CNTN5: variants seen among roughly 807,000 people sequenced by gnomAD.
CNTN5 encodes the protein contactin-5.
CNTN5 carries 77 observed loss-of-function variants against 129.1 expected under a neutral mutation model. The ratio of observed to expected loss-of-function variants is 0.60; its 90% CI spans 0.50 to 0.72. CNTN5 has a LOEUF of 0.72. Ranked by LOEUF, CNTN5 falls within the 30% of genes least tolerant of loss-of-function variation. The probability of loss-of-function intolerance (pLI) is 0.00; values close to 1 mark genes in which losing one functional copy is unlikely to be tolerated. For synonymous variants in CNTN5, 509 were observed against 465.6 expected (o/e 1.09, Z -1.20); for missense variants, 1,478 against 1,328.8 (o/e 1.11, Z -1.75).
chr11:99,810,171 G>A (rs1946388303), intron 3 of CNTN5, among the ~76,000 whole-genome samples: 1 of 152,028 alleles, frequency 6.6e-6, no homozygotes, highest in African/African-American at 2.4e-5. Context: ...ATAATACCCA[G>A]TTTAATTTGT....
At chr11:99,043,981 G>C (rs1864106234) in intron 1 of CNTN5, among the ~76,000 whole-genome samples, 1 of 152,140 alleles carries the variant, frequency 6.6e-6, no homozygotes, top group South Asian at 2.1e-4. Flanking sequence ...TGGTTATTCA[G>C]TCAACAAAAT....
intron 13 of CNTN5, among the ~76,000 whole-genome samples, chr11:100,096,565 A>G (rs1234900616): frequency 6.6e-6 from 1 of 152,074 alleles, no homozygotes; most frequent in Non-Finnish European, 1.5e-5. Flanking sequence ...GTTTGAAATG[A>G]TAAACCCCTT....
At chr11:99,756,131 G>C (rs1277225644) in intron 3 of CNTN5, among the ~76,000 whole-genome samples, 1 of 151,986 alleles carries the variant, frequency 6.6e-6, no homozygotes. Context: ...TGAGAAACAA[G>C]AATACTATGA....
chr11:99,565,169 G>C (rs1948962312), intron 3 of CNTN5, among the ~76,000 whole-genome samples: 1 of 152,056 alleles, frequency 6.6e-6, no homozygotes, highest in African/African-American at 2.4e-5. Context: ...TGTCTTAAAG[G>C]AAGTTGGAAG....
At chr11:99,074,232 T>C (rs1426449414) in intron 1 of CNTN5, among the ~76,000 whole-genome samples, 5 of 152,172 alleles carry the variant, frequency 3.3e-5, no homozygotes, top group African/African-American at 1.2e-4. Context: ...GTTGTTTTTT[T>C]TTCTTTTAAA....
At chr11:100,256,107 A>G (rs1950064487) in intron 17 of CNTN5, among the ~76,000 whole-genome samples, 189 bp downstream of exon 17, 1 of 152,150 alleles carries the variant, frequency 6.6e-6, no homozygotes, top group Non-Finnish European at 1.5e-5. Flanking sequence ...TCCTCTTTTC[A>G]GTTCCCAAAG....
intron 1 of CNTN5, among the ~76,000 whole-genome samples, chr11:99,151,082 A>C (rs1277952306): frequency 6.6e-6 from 1 of 152,146 alleles, no homozygotes; most frequent in Non-Finnish European, 1.5e-5. Context: ...ATTTATACTT[A>C]TTTAGAAGCA....
chr11:99,824,486 A>G (rs563626747), intron 4 of CNTN5, among the ~76,000 whole-genome samples: 173 of 152,136 alleles, frequency 1.1e-3, no homozygotes, highest in African/African-American at 3.9e-3. Flanking sequence ...GAAATTTACA[A>G]ATCAGTTGGT....
At chr11:99,861,438 T>C (rs530355902) in intron 6 of CNTN5, among the ~76,000 whole-genome samples, 1 of 152,314 alleles carries the variant, frequency 6.6e-6, no homozygotes, top group African/African-American at 2.4e-5. Context: ...ACACTGATTA[T>C]GCCGATACAA....
chr11:99,370,650 G>A (rs1490233312), intron 2 of CNTN5, among the ~76,000 whole-genome samples: 4 of 152,088 alleles, frequency 2.6e-5, no homozygotes, highest in Non-Finnish European at 5.9e-5. Flanking sequence ...TCAGAGAGTT[G>A]GCATAAAATT....
At chr11:99,831,399 C>T (rs554838287) in intron 4 of CNTN5, among the ~76,000 whole-genome samples, 61 of 152,254 alleles carry the variant, frequency 4.0e-4, no homozygotes, top group African/African-American at 1.3e-3. Context: ...TAGCTCAATT[C>T]GTTCAACTTT....
At chr11:100,070,820 C>G (rs541372356) in intron 11 of CNTN5, among the ~76,000 whole-genome samples, 1 of 152,192 alleles carries the variant, frequency 6.6e-6, no homozygotes, top group Non-Finnish European at 1.5e-5. Context: ...TTAATTACCT[C>G]ATTACATTTT....
At chr11:99,766,743 T>A (rs1049621852) in intron 3 of CNTN5, among the ~76,000 whole-genome samples, 1 of 152,124 alleles carries the variant, frequency 6.6e-6, no homozygotes, top group Non-Finnish European at 1.5e-5. Flanking sequence ...GCAGATTTTT[T>A]ATGCTCAAGT....
chr11:99,181,877 A>T (rs939041714), intron 1 of CNTN5, among the ~76,000 whole-genome samples: 1 of 152,136 alleles, frequency 6.6e-6, no homozygotes, highest in Non-Finnish European at 1.5e-5. Flanking sequence ...TTAATTGTTG[A>T]CAAGGTACCA....
intron 1 of CNTN5, among the ~76,000 whole-genome samples, chr11:99,267,102 G>C (rs1192042328): frequency 1.3e-5 from 2 of 152,016 alleles, no homozygotes; most frequent in Non-Finnish European, 2.9e-5. Context: ...TAATAACATG[G>C]AGAAGAATGA....
At chr11:100,155,339 G>C (rs1267352868) in intron 13 of CNTN5, among the ~76,000 whole-genome samples, 1 of 152,038 alleles carries the variant, frequency 6.6e-6, no homozygotes, top group East Asian at 1.9e-4. Context: ...GTAGATATGT[G>C]GTGTTATTTC....
chr11:100,257,037 G>A (rs1565377050), intron 17 of CNTN5, among the ~76,000 whole-genome samples: 1 of 152,176 alleles, frequency 6.6e-6, no homozygotes, highest in Admixed American at 6.5e-5. Flanking sequence ...AGCCCAGCAA[G>A]CTATAAGATT....
intron 2 of CNTN5, among the ~76,000 whole-genome samples, chr11:99,338,932 A>ATATATATATATATATATG (rs1866374902): frequency 7.0e-6 from 1 of 142,950 alleles, no homozygotes; most frequent in Non-Finnish European, 1.5e-5. Context: ...ATATATATAT[A>ATATATATATATATATATG]TATATATATA....
chr11:99,048,783 T>A (rs1848647411), intron 1 of CNTN5, among the ~76,000 whole-genome samples: 1 of 152,198 alleles, frequency 6.6e-6, no homozygotes, highest in South Asian at 2.1e-4. Flanking sequence ...GTGAAATGAA[T>A]ACTGCCATTT....
Sources: gnomAD v4.1 joint callset for allele counts (sites outside exome capture counted in the v4.1 genomes callset) on GRCh38, gnomAD v4.1.1 for gene constraint, MANE v1.5 for transcripts, NCBI Gene and HGNC (gene_info 2026-07-23, HGNC 2026-07-21) for gene names.